OPCML: variants seen among roughly 807,000 people sequenced by gnomAD.
OPCML encodes opioid binding protein/cell adhesion molecule like, also known as opioid-binding protein/cell adhesion molecule.
A neutral mutation model predicts 37.8 loss-of-function variants in OPCML; 13 were observed. The observed-to-expected ratio is 0.34, with a 90% CI of 0.22 to 0.55. The LOEUF is 0.55. OPCML is among the 20% of genes least tolerant of loss of function. The probability of loss-of-function intolerance (pLI) is 0.91; values close to 1 mark genes in which losing one functional copy is unlikely to be tolerated. For synonymous variants in OPCML, 176 were observed against 168.8 expected (o/e 1.04, Z -0.33); for missense variants, 341 against 435.6 (o/e 0.78, Z 1.93).
intron 2 of OPCML, among the ~76,000 whole-genome samples, chr11:132,929,544 C>T (rs913670913): frequency 6.6e-6 from 1 of 152,130 alleles, no homozygotes; most frequent in South Asian, 2.1e-4. Flanking sequence ...TCCAAACTCA[C>T]TCTATAAGCC....
At chr11:133,005,222 G>T in intron 1 of OPCML, 1 of 985,296 alleles carries the variant, frequency 1.0e-6, no homozygotes, top group South Asian at 4.7e-5. Flanking sequence ...CACAATTCCT[G>T]GGGAGAGACG....
chr11:132,439,867 T>G (rs2096026507), intron 4 of OPCML, among the ~76,000 whole-genome samples: 1 of 152,202 alleles, frequency 6.6e-6, no homozygotes, highest in African/African-American at 2.4e-5. Flanking sequence ...AGGGCCTGGC[T>G]AGAGTCTCAG....
intron 1 of OPCML, among the ~76,000 whole-genome samples, chr11:133,459,560 A>G (rs907040649): frequency 6.6e-6 from 1 of 152,102 alleles, no homozygotes; most frequent in Admixed American, 6.6e-5. Context: ...AACCAAAACA[A>G]AAGTGACCAG....
intron 1 of OPCML, chr11:133,005,768 CA>C (rs1348320708): frequency 4.1e-6 from 4 of 983,088 alleles, no homozygotes; most frequent in Non-Finnish European, 4.8e-6. Flanking sequence ...AATTGAATCA[CA>C]TTATTTTATG....
chr11:133,405,902 C>G lies in OPCML; in HGVS notation c.61+126362G>C, dbSNP rs1945515182. On this transcript the variant is annotated intron_variant, in intron 1 of 7. Transcript: ENST00000524381. ...AACAAAACTTGGCAGAAAGTGCAGT[C>G]CAGGCAAGGTAGAGGCATGACCTCC... Among the ~76,000 whole-genome samples the G allele has an allele frequency of 2.0e-5, 3 of 152,242 alleles. No individual in the cohort carries two copies. The South Asian group carries it at 6.2e-4, about 32-fold the overall frequency.
chr11:132,506,050 C>T (rs778926689), intron 4 of OPCML, among the ~76,000 whole-genome samples: 5 of 152,150 alleles, frequency 3.3e-5, no homozygotes, highest in Non-Finnish European at 5.9e-5. Flanking sequence ...CATACAATTA[C>T]AACTATCAGA....
chr11:132,559,923 A>G (rs1317013150), intron 3 of OPCML, among the ~76,000 whole-genome samples: 1 of 152,232 alleles, frequency 6.6e-6, no homozygotes, highest in Non-Finnish European at 1.5e-5. Context: ...TCAGGAAAGA[A>G]TTGGCAAAAG....
In OPCML at chr11:133,007,540, T is replaced by C. The variant is rs867051182; in HGVS notation, c.62-64530A>G. ...TCCTTTGGAAGGCAGGGTGGGGAACTGAGCATTCAAAGGTGTTTGAGCCTT... is the reference window on the plus strand; with the variant it reads ...TCCTTTGGAAGGCAGGGTGGGGAACCGAGCATTCAAAGGTGTTTGAGCCTT... On this transcript the variant is annotated intron_variant, in intron 1 of 7. Coordinates refer to ENST00000524381, the MANE Select transcript of OPCML (RefSeq NM_001012393.5). 3.0e-6 allele frequency: 3 copies of C among 985,244 alleles called. No homozygotes were observed. In the Middle Eastern group the frequency reaches 1.5e-3, roughly 509 times the overall value. 61.0% of individuals were successfully genotyped at this position (985,244 alleles called of 1,614,324 possible). A position where few individuals can be genotyped will look rare whatever the true frequency, so the allele number is the denominator to read the frequency against.
At chr11:132,771,636 G>C (rs1428229242) in intron 2 of OPCML, 1 of 152,202 alleles carries the variant, frequency 6.6e-6, no homozygotes, top group Non-Finnish European at 1.5e-5. Context: ...GTCAGCATAA[G>C]TTTATTCCCT....
intron 3 of OPCML, among the ~76,000 whole-genome samples, chr11:132,599,437 G>T (rs1937694546): frequency 6.7e-6 from 1 of 149,856 alleles, no homozygotes; most frequent in Admixed American, 6.6e-5. Flanking sequence ...AGGTGGAGGA[G>T]AAGGAAGGAG....
rs781031711 is a variant in OPCML, at chr11:133,439,745, G to C, written c.61+92519C>G. On this transcript the variant is annotated intron_variant, in intron 1 of 7. Coordinates refer to ENST00000524381, the MANE Select transcript of OPCML (RefSeq NM_001012393.5). ...GCCTCCCAAAGTGCTGGGATTGCAG[G>C]TGTGAGCCACCGAGCCCGGCCCAAC... 9.7e-4 allele frequency among the ~76,000 whole-genome samples: 147 copies of C among 152,034 alleles called. 4 individuals carry two copies. The highest frequency in any genetic ancestry group is 2.9e-4 in the Non-Finnish European group (20 of 68,008).
chr11:132,649,860 A>T (rs1288404764), intron 3 of OPCML, among the ~76,000 whole-genome samples: 1 of 152,036 alleles, frequency 6.6e-6, no homozygotes, highest in Non-Finnish European at 1.5e-5. Context: ...CTGCTTAGGA[A>T]CTAAGACATA....
intron 2 of OPCML, among the ~76,000 whole-genome samples, chr11:132,907,086 C>T (rs945759971): frequency 2.6e-5 from 4 of 152,196 alleles, no homozygotes; most frequent in African/African-American, 9.6e-5. Context: ...TTACAATTCA[C>T]AGCCCTCTAA....
intron 2 of OPCML, among the ~76,000 whole-genome samples, chr11:132,697,976 CTATTTATT>C (rs59713386): frequency 0.19 from 25,159 of 133,798 alleles, 2,486 homozygotes; most frequent in Middle Eastern, 0.26. Flanking sequence ...ATTTTATTTT[CTATTTATT>C]TATTTATTTA....
intron 1 of OPCML, among the ~76,000 whole-genome samples, chr11:132,972,650 C>T (rs1202376264): frequency 1.3e-5 from 2 of 152,124 alleles, no homozygotes; most frequent in African/African-American, 4.8e-5. Flanking sequence ...TGTCTCTTTC[C>T]TCCATTTCCC....
chr11:132,481,696 G>T (rs1207236775), intron 4 of OPCML, among the ~76,000 whole-genome samples: 1 of 149,942 alleles, frequency 6.7e-6, no homozygotes, highest in African/African-American at 2.4e-5. Flanking sequence ...AAATGTAAAA[G>T]AACAGAAATT....
intron 1 of OPCML, among the ~76,000 whole-genome samples, chr11:133,046,739 T>C (rs2136957186): frequency 6.6e-6 from 1 of 152,298 alleles, no homozygotes; most frequent in South Asian, 2.1e-4. Flanking sequence ...TTGTGGGCTG[T>C]AGCATTTTAA....
chr11:133,519,764 C>G (rs1948361251), intron 1 of OPCML, among the ~76,000 whole-genome samples: 1 of 152,190 alleles, frequency 6.6e-6, no homozygotes, highest in Non-Finnish European at 1.5e-5. Context: ...AATGGCTTCT[C>G]CCGCACCTCT....
intron 1 of OPCML, among the ~76,000 whole-genome samples, chr11:133,168,368 G>A (rs532370615): frequency 3.2e-4 from 49 of 152,264 alleles, no homozygotes; most frequent in South Asian, 2.5e-3. Context: ...AGAGGAGTGG[G>A]GAAGGTGATT....
Sources: gnomAD v4.1 joint callset for allele counts (sites outside exome capture counted in the v4.1 genomes callset) on GRCh38, gnomAD v4.1.1 for gene constraint, MANE v1.5 for transcripts, NCBI Gene and HGNC (gene_info 2026-07-23, HGNC 2026-07-21) for gene names.